The following TVP23B variants were observed in gnomAD, a reference collection of about 807,000 sequenced individuals.
The protein encoded by TVP23B is trans-golgi network vesicle protein 23 homolog B, also known as Golgi apparatus membrane protein TVP23 homolog B.
A neutral mutation model predicts 30.6 loss-of-function variants in TVP23B; 10 were observed. The observed-to-expected ratio is 0.33, with a 90% confidence interval of 0.20 to 0.55. TVP23B has a LOEUF of 0.55. TVP23B is among the 20% of genes least tolerant of loss of function. The pLI is 0.91. For synonymous variants in TVP23B, 67 were observed against 83.1 expected (o/e 0.81, Z 1.06); for missense variants, 153 against 243.2 (o/e 0.63, Z 2.47).
intron 6 of TVP23B, among the ~76,000 whole-genome samples, 190 bp from the exon 7 acceptor site, chr17:18,805,351 T>C (rs566434781): frequency 1.3e-5 from 2 of 152,272 alleles, no homozygotes; most frequent in African/African-American, 4.8e-5. Context: ...CCCAAAGTGC[T>C]GGGATTACAG....
chr17:18,806,064 T>C lies in TVP23B; in HGVS notation c.*497T>C. The C allele has an allele frequency of 1.0e-6, 1 of 980,804 alleles. No homozygotes were observed. Among genetic ancestry groups the C allele is most frequent in the Non-Finnish European group, 1.2e-6 (1 of 825,682 alleles). 60.8% of individuals were successfully genotyped at this position (980,804 alleles called of 1,614,324 possible). Reference sequence around the variant, plus strand: ...TAAGTTAGAAATAATTGTTAGTTTTTAATATGCACTTCGTGGGGAAATTTC... The same window carrying C: ...TAAGTTAGAAATAATTGTTAGTTTTCAATATGCACTTCGTGGGGAAATTTC... On this transcript the variant is annotated 3_prime_UTR_variant, in exon 7 of 7. Coordinates refer to ENST00000307767, the MANE Select transcript of TVP23B (RefSeq NM_016078.6).
At chr17:18,785,563 G>T (rs1162032557) in intron 1 of TVP23B, among the ~76,000 whole-genome samples, 1 of 151,996 alleles carries the variant, frequency 6.6e-6, no homozygotes, top group African/African-American at 2.4e-5. Flanking sequence ...CCCAAGTTTG[G>T]CATGTTTAAG....
intron 5 of TVP23B, among the ~76,000 whole-genome samples, chr17:18,800,900 CA>C (rs2036154272): frequency 6.6e-6 from 1 of 152,026 alleles, no homozygotes; most frequent in African/African-American, 2.4e-5. Context: ...CTTATTTATT[CA>C]GCAATTTTAA....
At chr17:18,801,342 G>C (rs1370055381) in intron 5 of TVP23B, among the ~76,000 whole-genome samples, 2 of 151,668 alleles carry the variant, frequency 1.3e-5, no homozygotes, top group African/African-American at 4.8e-5. Context: ...TTGCATAAAT[G>C]CACTTCCCTT....
intron 1 of TVP23B, 28 bp downstream of exon 1, chr17:18,781,333 G>T (rs1334576677): frequency 5.7e-6 from 9 of 1,570,890 alleles, no homozygotes; most frequent in Admixed American, 1.9e-5. Flanking sequence ...CGCTGGGAGG[G>T]TGGCGGCTCC....
At chr17:18,804,881 C>T (rs1378820139) in intron 6 of TVP23B, among the ~76,000 whole-genome samples, 1 of 151,916 alleles carries the variant, frequency 6.6e-6, no homozygotes, top group Non-Finnish European at 1.5e-5. Context: ...AGCCACCGTG[C>T]CCAGCCTGTA....
At chr17:18,783,918 G>A (rs1475509727) in intron 1 of TVP23B, among the ~76,000 whole-genome samples, 3 of 152,278 alleles carry the variant, frequency 2.0e-5, no homozygotes, top group South Asian at 2.1e-4. Context: ...AGGCCGAAGC[G>A]GGTGGATCAC....
At chr17:18,797,517 G>A (rs2036093499) in intron 3 of TVP23B, 62 bp from the exon 4 acceptor site, 3 of 1,612,090 alleles carry the variant, frequency 1.9e-6, no homozygotes, top group Admixed American at 1.7e-5. Context: ...TAAGATAGGA[G>A]CTTGTGATAG....
At chr17:18,788,807 T>C (rs943780559) in intron 1 of TVP23B, among the ~76,000 whole-genome samples, 1 of 151,886 alleles carries the variant, frequency 6.6e-6, no homozygotes, top group African/African-American at 2.4e-5. Context: ...AAAGATCCAA[T>C]AGATAGACTT....
intron 5 of TVP23B, 165 bp downstream of exon 5, chr17:18,799,108 A>G (rs914285276): frequency 4.6e-6 from 3 of 655,968 alleles, no homozygotes; most frequent in Non-Finnish European, 6.6e-6. Flanking sequence ...TTTCTCTATA[A>G]TACTGGAGAA....
At chr17:18,804,954 G>GT (rs982423047) in intron 6 of TVP23B, among the ~76,000 whole-genome samples, 5 of 151,488 alleles carry the variant, frequency 3.3e-5, no homozygotes, top group East Asian at 1.9e-4. Context: ...GTACTCAGAT[G>GT]TTTTTTTCCC....
Position 18,804,075 on chromosome 17 carries a change from T to G in TVP23B, c.463-63T>G, listed in dbSNP as rs575239584. On this transcript the variant is annotated intron_variant, in intron 5 of 6. Transcript: ENST00000307767. ...TCATGACAGTCTGCCTTGTCTCATT[T>G]ATGGCACAGAGAAAGGTCAATTTCA... 8.4e-5 allele frequency: 130 copies of G among 1,550,920 alleles called. No homozygotes were observed. The South Asian group carries it at 1.4e-3, about 17-fold the overall frequency.
At chr17:18,796,699 A>G (rs1457698720) in intron 3 of TVP23B, 1 of 152,176 alleles carries the variant, frequency 6.6e-6, no homozygotes, top group African/African-American at 2.4e-5. Flanking sequence ...TACATTCATA[A>G]TTTAAAGATA....
chr17:18,792,421 T>G (rs1228019317), intron 3 of TVP23B, among the ~76,000 whole-genome samples: 1 of 152,262 alleles, frequency 6.6e-6, no homozygotes, highest in Non-Finnish European at 1.5e-5. Flanking sequence ...AAGGAAGATT[T>G]CAAAGGTCTG....
intron 3 of TVP23B, among the ~76,000 whole-genome samples, chr17:18,792,248 C>G (rs2036008928): frequency 6.6e-6 from 1 of 152,084 alleles, no homozygotes; most frequent in East Asian, 1.9e-4. Context: ...GTTGGTCAGG[C>G]TGGTCTCGAA....
chr17:18,793,171 G>A (rs1471635952), intron 3 of TVP23B, among the ~76,000 whole-genome samples: 2 of 152,100 alleles, frequency 1.3e-5, no homozygotes, highest in African/African-American at 4.8e-5. Context: ...TGCCCTAGGT[G>A]ATGTTAATGA....
intron 1 of TVP23B, chr17:18,782,261 AC>A (rs925421405): frequency 6.6e-6 from 1 of 151,002 alleles, no homozygotes; most frequent in Non-Finnish European, 1.5e-5. Context: ...TAATCCCAGC[AC>A]TTTGGGAGGA....
chr17:18,806,479 C>T lies in TVP23B; in HGVS notation c.*912C>T. The T allele has an allele frequency of 3.4e-6, 1 of 295,326 alleles. No individual in the cohort carries two copies. The highest frequency in any genetic ancestry group is 2.3e-5 in the African/African-American group (1 of 43,088). 18.3% of individuals were successfully genotyped at this position (295,326 alleles called of 1,614,324 possible). Reference sequence around the variant, plus strand: ...TATTAATGGTATTTCTTAAAGCAATCTATGTAACTGTAAATTAAACCAATC... The same window carrying T: ...TATTAATGGTATTTCTTAAAGCAATTTATGTAACTGTAAATTAAACCAATC... On this transcript the variant is annotated 3_prime_UTR_variant, in exon 7 of 7. Transcript: ENST00000307767.
chr17:18,783,603 C>T (rs1025771301), intron 1 of TVP23B, among the ~76,000 whole-genome samples: 8 of 152,168 alleles, frequency 5.3e-5, no homozygotes, highest in African/African-American at 1.7e-4. Flanking sequence ...TGGAAGCCGT[C>T]GGAAGACAAT....
Sources: gnomAD v4.1 joint callset for allele counts (sites outside exome capture counted in the v4.1 genomes callset) on GRCh38, gnomAD v4.1.1 for gene constraint, MANE v1.5 for transcripts, NCBI Gene and HGNC (gene_info 2026-07-23, HGNC 2026-07-21) for gene names.